Variants in GALNT17 observed in about 807,000 individuals in gnomAD.
GALNT17 encodes the protein UDP-GalNAc:polypeptide N-acetylgalactosaminyltransferase-like 3.
GALNT17 carries 29 observed loss-of-function variants against 63.7 expected under a neutral mutation model. That is an observed-to-expected ratio of 0.46 (90% CI 0.34 to 0.62). The LOEUF is 0.62. Ranked by LOEUF, GALNT17 falls within the 20% of genes least tolerant of loss-of-function variation. The probability of loss-of-function intolerance (pLI) is 0.01; values close to 1 mark genes in which losing one functional copy is unlikely to be tolerated. For synonymous variants in GALNT17, 305 were observed against 318.3 expected (o/e 0.96, Z 0.45); for missense variants, 603 against 799.6 (o/e 0.75, Z 2.97).
At chr7:71,443,581 G>A (rs1787107916) in intron 5 of GALNT17, among the ~76,000 whole-genome samples, 1 of 152,134 alleles carries the variant, frequency 6.6e-6, no homozygotes, top group Non-Finnish European at 1.5e-5. Flanking sequence ...CGTGATGCCT[G>A]CCCCATCCTC....
chr7:71,573,589 C>A (rs1218248141), intron 6 of GALNT17, among the ~76,000 whole-genome samples: 1 of 152,062 alleles, frequency 6.6e-6, no homozygotes, highest in African/African-American at 2.4e-5. Context: ...CCACCTCAGC[C>A]TCCCAAAGTG....
intron 2 of GALNT17, among the ~76,000 whole-genome samples, chr7:71,341,569 A>G (rs1792005363): frequency 6.6e-6 from 1 of 152,248 alleles, no homozygotes; most frequent in African/African-American, 2.4e-5. Flanking sequence ...AATGCAGATT[A>G]CATATAGTTG....
At chr7:71,605,956 CTG>C (rs1790041234) in intron 6 of GALNT17, among the ~76,000 whole-genome samples, 2 of 152,014 alleles carry the variant, frequency 1.3e-5, no homozygotes, top group African/African-American at 4.8e-5. Flanking sequence ...GATTGATTGA[CTG>C]AGACAGGATC....
At position 71,537,453 on chromosome 7, in the gene GALNT17, G is replaced by T. The variant is rs180783093; in HGVS notation, c.963-33832G>T. Among the ~76,000 whole-genome samples, 36 of 152,204 alleles carry T rather than the reference G, an allele frequency of 2.4e-4. 1 individual carries two copies. The East Asian group carries it at 6.8e-3, about 29-fold the overall frequency. On this transcript the variant is annotated intron_variant, in intron 5 of 10. Transcript: ENST00000333538. ...TTAGGGGGTCTTTGCAGATCTGAAG[G>T]TCTTGAGATAATGAGCATCTGAGAT...
intron 5 of GALNT17, among the ~76,000 whole-genome samples, chr7:71,457,376 C>T (rs1271596169): frequency 1.3e-5 from 2 of 151,966 alleles, no homozygotes; most frequent in African/African-American, 2.4e-5. Context: ...ATTTTGTTAC[C>T]GGAAAGGGGT....
At chr7:71,452,685 G>C (rs1392353027) in intron 5 of GALNT17, among the ~76,000 whole-genome samples, 1 of 152,186 alleles carries the variant, frequency 6.6e-6, no homozygotes, top group African/African-American at 2.4e-5. Context: ...TTGCTTCCTT[G>C]GTTTGTTCCT....
At chr7:71,244,997 A>C (rs1790067765) in intron 1 of GALNT17, among the ~76,000 whole-genome samples, 1 of 151,822 alleles carries the variant, frequency 6.6e-6, no homozygotes, top group Non-Finnish European at 1.5e-5. Context: ...TTTGGGAAGG[A>C]CCCCTAGGAA....
chr7:71,608,667 G>A (rs1248674863), intron 6 of GALNT17, among the ~76,000 whole-genome samples: 1 of 152,110 alleles, frequency 6.6e-6, no homozygotes, highest in African/African-American at 2.4e-5. Context: ...GGTACCAGTG[G>A]AGAGCTGAAA....
intron 5 of GALNT17, among the ~76,000 whole-genome samples, chr7:71,522,964 G>A (rs189990330): frequency 3.5e-4 from 53 of 152,232 alleles, no homozygotes; most frequent in African/African-American, 8.9e-4. Context: ...CCAGGATGTC[G>A]GGAGGTGGAG....
At chr7:71,213,530 T>G (rs994477899) in intron 1 of GALNT17, among the ~76,000 whole-genome samples, 3 of 152,250 alleles carry the variant, frequency 2.0e-5, no homozygotes, top group African/African-American at 7.2e-5. Context: ...ATATATCCAT[T>G]TCTTAAGTGA....
At chr7:71,195,582 C>G (rs1473961328) in intron 1 of GALNT17, among the ~76,000 whole-genome samples, 2 of 151,570 alleles carry the variant, frequency 1.3e-5, no homozygotes, top group Admixed American at 6.6e-5. Context: ...GGATCTCACT[C>G]TGTCACCCAG....
chr7:71,543,171 G>A (rs2116811418), intron 5 of GALNT17, among the ~76,000 whole-genome samples: 1 of 152,088 alleles, frequency 6.6e-6, no homozygotes, highest in South Asian at 2.1e-4. Flanking sequence ...CTTGTGCCCT[G>A]CCTGTGAAAT....
At chr7:71,581,791 T>C (rs1191567955) in intron 6 of GALNT17, among the ~76,000 whole-genome samples, 1 of 152,114 alleles carries the variant, frequency 6.6e-6, no homozygotes, top group Non-Finnish European at 1.5e-5. Flanking sequence ...TTAGAAATGC[T>C]GAGTTTGAGG....
rs367908138 is a variant in GALNT17, at chr7:71,663,432, C to G, written c.1081-1979C>G. Among the ~76,000 whole-genome samples the G allele has an allele frequency of 4.6e-5, 7 of 152,320 alleles. No homozygotes were observed. The South Asian group carries it at 1.0e-3, about 23-fold the overall frequency. ...AAATTCAGCCGCCTTGTTTTACTCT[C>G]TAAGACACCAGTTTCCTGTCTCTAT... On this transcript the variant is annotated intron_variant, in intron 6 of 10. Coordinates refer to ENST00000333538, the MANE Select transcript of GALNT17 (RefSeq NM_022479.3).
chr7:71,471,321 G>A (rs1354684221), intron 5 of GALNT17, among the ~76,000 whole-genome samples: 1 of 145,718 alleles, frequency 6.9e-6, no homozygotes, highest in African/African-American at 2.6e-5. Context: ...CAGGGGATCC[G>A]CCTACTTCAG....
At chr7:71,330,796 A>G (rs1448323266) in intron 1 of GALNT17, among the ~76,000 whole-genome samples, 5 of 152,210 alleles carry the variant, frequency 3.3e-5, no homozygotes, top group Admixed American at 6.5e-5. Context: ...GGCCGTGCAT[A>G]TAGAGCAGAA....
chr7:71,691,626 A>G (rs895294424), intron 9 of GALNT17, among the ~76,000 whole-genome samples: 2 of 152,032 alleles, frequency 1.3e-5, no homozygotes, highest in African/African-American at 4.8e-5. Context: ...TCCAGTGGAG[A>G]TTGTGAGTTG....
chr7:71,389,859 A>G (rs1793018058), intron 3 of GALNT17, among the ~76,000 whole-genome samples: 1 of 152,208 alleles, frequency 6.6e-6, no homozygotes, highest in Non-Finnish European at 1.5e-5. Flanking sequence ...ATTCAGCGCT[A>G]CTAGGAATGA....
intron 5 of GALNT17, among the ~76,000 whole-genome samples, chr7:71,502,997 T>A (rs1164140349): frequency 6.6e-6 from 1 of 152,140 alleles, no homozygotes; most frequent in Non-Finnish European, 1.5e-5. Context: ...CCCCCTGCAC[T>A]GTTGATCACC....
Sources: allele counts gnomAD v4.1 joint callset (sites outside exome capture counted in the v4.1 genomes callset), GRCh38; gene constraint gnomAD v4.1.1; transcripts MANE v1.5; gene names NCBI Gene and HGNC (gene_info 2026-07-23, HGNC 2026-07-21).